The following CCDC175 variants were observed in gnomAD, a reference collection of about 807,000 sequenced individuals.
CCDC175 encodes coiled-coil domain containing 175.
In CCDC175, 100 loss-of-function variants were observed where a neutral mutation model predicts 114.6. The ratio of observed to expected loss-of-function variants is 0.87; its 90% CI spans 0.74 to 1.03. The LOEUF (loss-of-function observed/expected upper bound fraction) is 1.03, where lower values mean the gene tolerates loss of function less well. Ranked by LOEUF, CCDC175 falls within the 50% of genes least tolerant of loss-of-function variation. CCDC175 has a pLI of 0.00. For synonymous variants in CCDC175, 306 were observed against 308.7 expected, an observed-to-expected ratio of 0.99 and a Z score of 0.09; for missense variants, 880 against 917.8, an observed-to-expected ratio of 0.96 and a Z score of 0.53.
intron 16 of CCDC175, among the ~76,000 whole-genome samples, chr14:59,522,342 T>C (rs1300810487): frequency 6.6e-6 from 1 of 152,206 alleles, no homozygotes; most frequent in Admixed American, 6.5e-5. Context: ...ACAGATGAGG[T>C]AGACATGGGA....
intron 11 of CCDC175, 107 bp downstream of exon 11, chr14:59,540,568 C>T: frequency 8.3e-7 from 1 of 1,201,538 alleles, no homozygotes; most frequent in Non-Finnish European, 1.1e-6. Flanking sequence ...AAATCATTCC[C>T]TTGGGTTCTA....
rs148114240 is a variant in CCDC175, at chr14:59,544,592, T to A, written c.1172+571A>T. ...CAACATGATGAAGAAATAGAGAGATTTGGGTAATTTTTACTCTCTAAGCTA... is the reference window on the plus strand; with the variant it reads ...CAACATGATGAAGAAATAGAGAGATATGGGTAATTTTTACTCTCTAAGCTA... On this transcript the variant is annotated intron_variant, in intron 9 of 19. Transcript: ENST00000537690. Among the ~76,000 whole-genome samples, 4 of 152,230 alleles carry A rather than the reference T, an allele frequency of 2.6e-5. No individual in the cohort carries two copies. The South Asian group carries it at 6.2e-4, about 24-fold the overall frequency.
chr14:59,512,892 A>G (rs1427428440), intron 17 of CCDC175, among the ~76,000 whole-genome samples: 3 of 151,676 alleles, frequency 2.0e-5, no homozygotes, highest in East Asian at 1.9e-4. Flanking sequence ...AAGAATTTAG[A>G]ATAGTGAAAA....
chr14:59,574,897 AAT>A, intron 2 of CCDC175, 44 bp downstream of exon 2: 2 of 1,036,388 alleles, frequency 1.9e-6, no homozygotes, highest in Non-Finnish European at 1.4e-6. Flanking sequence ...AGTTTGAAGA[AAT>A]ATGTGGAAGA....
At chr14:59,508,138 CT>C (rs1360215602) in intron 19 of CCDC175, among the ~76,000 whole-genome samples, 1 of 152,086 alleles carries the variant, frequency 6.6e-6, no homozygotes. Context: ...CTCACTATCT[CT>C]TTTGCTTAAT....
intron 19 of CCDC175, among the ~76,000 whole-genome samples, chr14:59,509,156 C>T (rs546929037): frequency 3.3e-5 from 5 of 152,262 alleles, no homozygotes; most frequent in East Asian, 1.9e-4. Context: ...AAGATTCCAT[C>T]GGGTTTCAGA....
chr14:59,565,892 G>T (rs1264706284), intron 4 of CCDC175, among the ~76,000 whole-genome samples: 11 of 152,074 alleles, frequency 7.2e-5, no homozygotes, highest in Non-Finnish European at 1.6e-4. Flanking sequence ...TTTTGAACAG[G>T]ATCTGAATGG....
At chr14:59,515,669 A>G (rs1594981793) in intron 17 of CCDC175, among the ~76,000 whole-genome samples, 1 of 152,198 alleles carries the variant, frequency 6.6e-6, no homozygotes. Context: ...TCATAAAGCA[A>G]GTCCTTAGAG....
rs541441710 is a variant in CCDC175 at position 59,534,443 on chromosome 14, TG to T, written c.1624-2534del. Among the ~76,000 whole-genome samples, 24 of 152,318 alleles carry T rather than the reference TG, an allele frequency of 1.6e-4. No individual in the cohort carries two copies. In the East Asian group the frequency reaches 3.3e-3, roughly 21 times the overall value. ...CTCGCTCATCCTGTGAGTTCTAGTTTGTTTTTGCTTCCATTCACTTCCTGTT... is the reference window on the plus strand; with the variant it reads ...CTCGCTCATCCTGTGAGTTCTAGTTTTTTTTGCTTCCATTCACTTCCTGTT... On this transcript the variant is annotated intron_variant, in intron 13 of 19. Transcript: ENST00000537690.
intron 7 of CCDC175, among the ~76,000 whole-genome samples, chr14:59,553,188 G>GA (rs1466123807): frequency 6.6e-6 from 1 of 152,124 alleles, no homozygotes; most frequent in East Asian, 1.9e-4. Flanking sequence ...TGAAATGAAG[G>GA]AAAAAATGTT....
At chr14:59,557,174 T>A (rs1392921013) in intron 7 of CCDC175, among the ~76,000 whole-genome samples, 1 of 152,144 alleles carries the variant, frequency 6.6e-6, no homozygotes, top group Non-Finnish European at 1.5e-5. Context: ...CACGTATGTT[T>A]ATTGCGGCAC....
intron 15 of CCDC175, 124 bp from the exon 16 acceptor site, chr14:59,525,558 T>A: frequency 1.6e-6 from 1 of 643,474 alleles, no homozygotes; most frequent in Non-Finnish European, 2.5e-6. Flanking sequence ...CAGCAGAGGA[T>A]AGATATTCTT....
chr14:59,514,033 G>A (rs145580040), intron 17 of CCDC175, among the ~76,000 whole-genome samples: 1,915 of 152,282 alleles, frequency 0.013, 31 homozygotes, highest in African/African-American at 0.044. Context: ...TGCAGCCTCC[G>A]CTGCTGATAC....
intron 14 of CCDC175, among the ~76,000 whole-genome samples, chr14:59,527,563 C>T (rs1489759856): frequency 1.3e-5 from 2 of 152,122 alleles, no homozygotes; most frequent in African/African-American, 4.8e-5. Flanking sequence ...CCATTTAGAT[C>T]ATTATGGCAA....
At chr14:59,553,159 T>C (rs1381975867) in intron 7 of CCDC175, among the ~76,000 whole-genome samples, 1 of 152,060 alleles carries the variant, frequency 6.6e-6, no homozygotes, top group Non-Finnish European at 1.5e-5. Context: ...AGACACATAA[T>C]TGTCAGATTC....
chr14:59,561,830 C>T (rs962399323), intron 6 of CCDC175, among the ~76,000 whole-genome samples: 1 of 152,202 alleles, frequency 6.6e-6, no homozygotes, highest in African/African-American at 2.4e-5. Context: ...CTAACTTATT[C>T]AGCCTTGGGT....
chr14:59,519,319 T>G (rs78192071), intron 17 of CCDC175, among the ~76,000 whole-genome samples: 1 of 149,676 alleles, frequency 6.7e-6, no homozygotes, highest in Non-Finnish European at 1.5e-5. Flanking sequence ...AGTATAGTAA[T>G]AAAAAAAAAG....
At chr14:59,522,921 T>C (rs895028708) in intron 16 of CCDC175, among the ~76,000 whole-genome samples, 3 of 152,236 alleles carry the variant, frequency 2.0e-5, no homozygotes, top group African/African-American at 7.2e-5. Flanking sequence ...TACTTATCTC[T>C]GTATTTACTG....
intron 16 of CCDC175, among the ~76,000 whole-genome samples, chr14:59,521,944 A>G (rs901112118): frequency 6.6e-6 from 1 of 152,384 alleles, no homozygotes; most frequent in Non-Finnish European, 1.5e-5. Context: ...AAGAAATTAG[A>G]AGGTGTTCTG....
Sources: gnomAD v4.1 joint callset for allele counts (sites outside exome capture counted in the v4.1 genomes callset) on GRCh38, gnomAD v4.1.1 for gene constraint, MANE v1.5 for transcripts, NCBI Gene and HGNC (gene_info 2026-07-23, HGNC 2026-07-21) for gene names.